The following ZMYM4 variants were observed in gnomAD, a reference collection of about 807,000 sequenced individuals.
ZMYM4 encodes the protein zinc finger MYM-type protein 4.
ZMYM4 carries 31 observed loss-of-function variants against 183.2 expected under a neutral mutation model. That is an observed-to-expected ratio of 0.17 (90% CI 0.13 to 0.23). The LOEUF is 0.23. Ranked by LOEUF, ZMYM4 falls within the 10% of genes least tolerant of loss-of-function variation. The pLI is 1.00. For missense variants in ZMYM4, 1,273 were observed against 1,840.3 expected (o/e 0.69, Z 5.64); for synonymous variants, 592 against 631.2 (o/e 0.94, Z 0.93).
At chr1:35,302,411 A>C (rs1570298721) in intron 1 of ZMYM4, among the ~76,000 whole-genome samples, 1 of 99,274 alleles carries the variant, frequency 1.0e-5, no homozygotes, top group African/African-American at 4.1e-5. Context: ...TTTGAGATGG[A>C]GTCTTGCTCT....
chr1:35,343,121 T>C (rs1356813248), intron 2 of ZMYM4, among the ~76,000 whole-genome samples: 1 of 152,230 alleles, frequency 6.6e-6, no homozygotes, highest in Non-Finnish European at 1.5e-5. Context: ...CATCCATCTA[T>C]GCATTCATCT....
chr1:35,352,259 A>ACACGCGCGCG (rs1202948196), intron 2 of ZMYM4, among the ~76,000 whole-genome samples: 2 of 77,594 alleles, frequency 2.6e-5, no homozygotes, highest in African/African-American at 1.4e-4. Flanking sequence ...ATTAGCGCGC[A>ACACGCGCGCG]CGCGCGCGCG....
chr1:35,407,696 C>CTAAA (rs1645029158), intron 25 of ZMYM4, among the ~76,000 whole-genome samples: 1 of 152,158 alleles, frequency 6.6e-6, no homozygotes, highest in South Asian at 2.1e-4. Flanking sequence ...TCTTCCTCAC[C>CTAAA]TTTTAAGGTC....
intron 13 of ZMYM4, among the ~76,000 whole-genome samples, chr1:35,388,086 T>A (rs600058): frequency 0.011 from 1,687 of 152,372 alleles, 33 homozygotes; most frequent in African/African-American, 0.034. Context: ...TATTTTACTC[T>A]AAAGCTGTAT....
chr1:35,384,275 TC>T (rs759065992), intron 9 of ZMYM4, among the ~76,000 whole-genome samples: 8 of 152,154 alleles, frequency 5.3e-5, no homozygotes, highest in Non-Finnish European at 1.2e-4. Flanking sequence ...GCTTTTACAG[TC>T]CTCATTAGGG....
At chr1:35,361,277 A>G in intron 4 of ZMYM4, 22 bp downstream of exon 4, 1 of 1,584,040 alleles carries the variant, frequency 6.3e-7, no homozygotes, top group Non-Finnish European at 8.6e-7. Flanking sequence ...GTGTGTATGT[A>G]GATTGCTGTA....
At chr1:35,324,888 C>T (rs1012952128) in intron 1 of ZMYM4, among the ~76,000 whole-genome samples, 1 of 152,140 alleles carries the variant, frequency 6.6e-6, no homozygotes, top group Admixed American at 6.5e-5. Context: ...TAGGCACTAA[C>T]GTACTCAGTA....
intron 2 of ZMYM4, among the ~76,000 whole-genome samples, chr1:35,330,713 T>C (rs1386993547): frequency 6.6e-6 from 1 of 152,176 alleles, no homozygotes; most frequent in East Asian, 1.9e-4. Flanking sequence ...ACTGTTTCTA[T>C]TTCACTAAGG....
rs1027589441 is a variant in ZMYM4, at chr1:35,413,333, A to G, written c.3949-639A>G. Among the ~76,000 whole-genome samples the G allele has an allele frequency of 1.5e-4, 23 of 152,164 alleles. 1 individual carries two copies. Among genetic ancestry groups the G allele is most frequent in the African/African-American group, 5.1e-4 (21 of 41,438 alleles). Reference sequence around the variant, plus strand: ...GCACTGGGATTACCATTCCTGGCTCAATACATTTTTAAACTATAGGTATTC... The same window carrying G: ...GCACTGGGATTACCATTCCTGGCTCGATACATTTTTAAACTATAGGTATTC... On this transcript the variant is annotated intron_variant, in intron 26 of 29. Transcript: ENST00000314607.
chr1:35,338,288 A>G (rs1224692059), intron 2 of ZMYM4, among the ~76,000 whole-genome samples: 1 of 152,230 alleles, frequency 6.6e-6, no homozygotes, highest in African/African-American at 2.4e-5. Context: ...TCCTTGAACA[A>G]CATGGGCTTG....
intron 7 of ZMYM4, among the ~76,000 whole-genome samples, chr1:35,378,153 A>G (rs1482921472): frequency 1.3e-5 from 2 of 152,106 alleles, no homozygotes; most frequent in African/African-American, 4.8e-5. Flanking sequence ...TTCAGGCTCC[A>G]CTTCTAGTTC....
intron 23 of ZMYM4, among the ~76,000 whole-genome samples, chr1:35,402,294 G>T (rs551268889): frequency 6.6e-6 from 1 of 152,050 alleles, no homozygotes; most frequent in Admixed American, 6.6e-5. Context: ...AAGATATTTT[G>T]ATGCTGTTGT....
intron 15 of ZMYM4, 66 bp downstream of exon 15, chr1:35,390,164 G>A (rs1206531457): frequency 8.0e-6 from 12 of 1,501,502 alleles, no homozygotes; most frequent in African/African-American, 1.4e-5. Context: ...TTCTTTTACA[G>A]ATCAGGAACT....
At chr1:35,356,075 C>T (rs140908837) in intron 2 of ZMYM4, among the ~76,000 whole-genome samples, 282 of 152,132 alleles carry the variant, frequency 1.9e-3, no homozygotes, top group African/African-American at 6.0e-3. Flanking sequence ...CCAGATGTGG[C>T]GGCATGCGCC....
intron 1 of ZMYM4, among the ~76,000 whole-genome samples, chr1:35,281,656 T>C (rs1391507971): frequency 5.5e-5 from 2 of 36,214 alleles, no homozygotes; most frequent in African/African-American, 8.1e-5. Flanking sequence ...GCAAATCATA[T>C]AATAAATATA....
At chr1:35,319,108 G>A (rs559304941) in intron 1 of ZMYM4, among the ~76,000 whole-genome samples, 35 of 152,124 alleles carry the variant, frequency 2.3e-4, no homozygotes, top group African/African-American at 7.7e-4. Context: ...TCGAACTCCC[G>A]ACCTCAGGTG....
chr1:35,382,171 TATACACAC>T (rs1553177808), intron 9 of ZMYM4, among the ~76,000 whole-genome samples: 1 of 127,562 alleles, frequency 7.8e-6, no homozygotes, highest in Non-Finnish European at 1.5e-5. Flanking sequence ...AAAATGTATA[TATACACAC>T]ATACACACAC....
rs1318644593 is a variant in ZMYM4 at position 35,420,632 on chromosome 1, T to A, written c.*955T>A. 1 of 152,650 alleles carries A rather than the reference T, an allele frequency of 6.6e-6. No homozygotes were observed. Among genetic ancestry groups the A allele is most frequent in the Non-Finnish European group, 1.5e-5 (1 of 68,044 alleles). 9.5% of individuals were successfully genotyped at this position (152,650 alleles called of 1,614,324 possible). On this transcript the variant is annotated 3_prime_UTR_variant, in exon 30 of 30. Coordinates refer to ENST00000314607, the MANE Select transcript of ZMYM4 (RefSeq NM_005095.3). The stretch of plus-strand genomic sequence containing the variant: ...TATTTCCCAAACAGTTCCTCTTATT[T>A]TGTCTTTTGCACCAGTTTCTGGAGG...
chr1:35,320,276 T>TA lies in ZMYM4; in HGVS notation c.40-5083dup, dbSNP rs568359170. ...GAGTTGAGCAGCAGTGCCAATGATT[T>TA]ACTCAATCATGGCTGCATAATGAAG... On this transcript the variant is annotated intron_variant, in intron 1 of 29. Transcript: ENST00000314607. Among the ~76,000 whole-genome samples, 321 of 152,304 alleles carry TA rather than the reference T, an allele frequency of 2.1e-3. 1 individual carries two copies. Among genetic ancestry groups the TA allele is most frequent in the Non-Finnish European group, 3.9e-3 (267 of 68,022 alleles).
Sources: allele counts gnomAD v4.1 joint callset (sites outside exome capture counted in the v4.1 genomes callset), GRCh38; gene constraint gnomAD v4.1.1; transcripts MANE v1.5; gene names NCBI Gene and HGNC (gene_info 2026-07-23, HGNC 2026-07-21).